The following BRD4 variants were observed in gnomAD, a reference collection of about 807,000 sequenced individuals.
The protein encoded by BRD4 is bromodomain-containing protein 4.
Under a neutral mutation model 142.1 loss-of-function variants are expected in BRD4, and 16 were observed. That is an observed-to-expected ratio of 0.11 (90% CI 0.08 to 0.17). The LOEUF is 0.17. BRD4 is among the 10% of genes least tolerant of loss of function. BRD4 has a pLI of 1.00. For missense variants in BRD4, 1,424 were observed against 1,810.9 expected, an observed-to-expected ratio of 0.79 and a Z score of 3.88; for synonymous variants, 833 against 707.5, an observed-to-expected ratio of 1.18 and a Z score of -2.82.
chr19:15,322,848 T>C (rs1189239059), intron 1 of BRD4, among the ~76,000 whole-genome samples: 9 of 103,096 alleles, frequency 8.7e-5, no homozygotes, highest in African/African-American at 2.0e-4. Context: ...GCCTGGGAGA[T>C]AGAGAGAGAC....
chr19:15,302,397 A>G (rs1440070799), intron 1 of BRD4, among the ~76,000 whole-genome samples: 1 of 152,138 alleles, frequency 6.6e-6, no homozygotes, highest in Non-Finnish European at 1.5e-5. Flanking sequence ...AGATGTTCTC[A>G]GCCTTGTGTT....
chr19:15,329,693 C>A (rs947163557), intron 1 of BRD4, among the ~76,000 whole-genome samples: 1 of 152,098 alleles, frequency 6.6e-6, no homozygotes, highest in Non-Finnish European at 1.5e-5. Flanking sequence ...GAGCCGAGAT[C>A]GCACCACTGC....
intron 11 of BRD4, among the ~76,000 whole-genome samples, chr19:15,246,074 G>A (rs866035113): frequency 2.0e-5 from 3 of 152,186 alleles, no homozygotes; most frequent in Non-Finnish European, 2.9e-5. Flanking sequence ...ACAGACACAC[G>A]TCCTCGTACA....
intron 1 of BRD4, among the ~76,000 whole-genome samples, chr19:15,301,610 C>G (rs1482950799): frequency 6.6e-6 from 1 of 150,724 alleles, no homozygotes; most frequent in Non-Finnish European, 1.5e-5. Context: ...GCCTGTAATC[C>G]CAGCACTTTG....
At chr19:15,268,701 C>T (rs536426329) in intron 3 of BRD4, among the ~76,000 whole-genome samples, 2 of 152,238 alleles carry the variant, frequency 1.3e-5, no homozygotes, top group African/African-American at 4.8e-5. Flanking sequence ...ACATGGCCAG[C>T]ACCCTCCTCC....
intron 1 of BRD4, among the ~76,000 whole-genome samples, chr19:15,296,603 T>C (rs1480512668): frequency 1.3e-5 from 2 of 151,856 alleles, no homozygotes; most frequent in Non-Finnish European, 2.9e-5. Context: ...GCGCGGAGAG[T>C]AAACTATGGC....
intron 2 of BRD4, among the ~76,000 whole-genome samples, chr19:15,270,618 G>A (rs74432556): frequency 0.017 from 2,577 of 152,304 alleles, 79 homozygotes; most frequent in African/African-American, 0.06. Context: ...CAGAGAGAAC[G>A]GTGGGGGAAG....
chr19:15,276,983 C>A (rs1428272400), intron 1 of BRD4, among the ~76,000 whole-genome samples: 1 of 151,896 alleles, frequency 6.6e-6, no homozygotes, highest in East Asian at 1.9e-4. Context: ...AGAGTGTGTG[C>A]GCTTCTGTGG....
intron 2 of BRD4, among the ~76,000 whole-genome samples, chr19:15,270,488 A>G (rs1217358306): frequency 6.6e-6 from 1 of 152,174 alleles, no homozygotes; most frequent in African/African-American, 2.4e-5. Flanking sequence ...ACCAAGTCTG[A>G]ATAGATCTAT....
At position 15,239,704 on chromosome 19, in the gene BRD4, G is replaced by A. The variant is rs1186050912; in HGVS notation, c.3400C>T (p.Pro1134Ser). Residue 1134 changes from proline (P) to serine (S), a missense_variant, in exon 16 of 20, where the codon CCC (proline) becomes TCC (serine). Coordinates refer to ENST00000679869, the MANE Select transcript of BRD4 (RefSeq NM_001379291.1). This position sits in a 1 kb window ranked among gnomAD's most constrained non-coding sequence, Gnocchi z 7.4. The stretch of plus-strand genomic sequence containing the variant: ...GCCTTGATGCTCTCCGGGTGCTTGG[G>A]GGGCTCCGGCCGCAGCGAGGGGCTG... Reference protein sequence around the residue: ...PFSPSLRPEPPKHPESIKAPV... With the variant: ...PFSPSLRPEPSKHPESIKAPV... The A allele has an allele frequency of 1.3e-6, 2 of 1,596,096 alleles. No individual in the cohort carries two copies. The highest frequency in any genetic ancestry group is 2.7e-5 in the African/African-American group (2 of 74,572).
intron 1 of BRD4, among the ~76,000 whole-genome samples, chr19:15,292,777 C>CAAAAAAAAAAAAA (rs57341445): frequency 1.1e-3 from 62 of 57,254 alleles, no homozygotes; most frequent in Non-Finnish European, 1.5e-3. Context: ...GACTCCGTCT[C>CAAAAAAAAAAAAA]AAAAAAAAAA....
Position 15,239,978 on chromosome 19 carries a change from G to C in BRD4, c.3214C>G (p.Gln1072Glu). 1 of 1,613,754 alleles carries C rather than the reference G, an allele frequency of 6.2e-7. No individual in the cohort carries two copies. The highest frequency in any genetic ancestry group is 1.1e-5 in the South Asian group (1 of 91,062). Residue 1072 changes from glutamine (Q) to glutamate (E), a missense_variant, in exon 15 of 20, where the codon CAG becomes GAG. Physicochemically the swap from Gln to Glu is conservative, Grantham distance 29 (BLOSUM62 2). Coordinates refer to ENST00000679869, the MANE Select transcript of BRD4 (RefSeq NM_001379291.1). This position sits in a 1 kb window ranked among gnomAD's most constrained non-coding sequence, Gnocchi z 7.4. ...GTCAGGCTCTGGAACTGTGACATCT[G>C]GGGGGAATGTATCATAAGCGGGGAG... ...APSPLMIHSP[Q>E]MSQFQSLTHQ...
intron 1 of BRD4, among the ~76,000 whole-genome samples, chr19:15,305,024 T>C (rs1302456236): frequency 2.5e-5 from 2 of 80,804 alleles, no homozygotes; most frequent in East Asian, 2.4e-4. Flanking sequence ...TAAGACCATC[T>C]TTTTTTTTTT....
rs982529151 is a variant in BRD4, at chr19:15,291,934, C to T, written c.-34-18801G>A. Among the ~76,000 whole-genome samples, 4 of 152,148 alleles carry T rather than the reference C, an allele frequency of 2.6e-5. No homozygotes were observed. The East Asian group carries it at 7.7e-4, about 29-fold the overall frequency. On this transcript the variant is annotated intron_variant, in intron 1 of 19. Coordinates refer to ENST00000679869, the MANE Select transcript of BRD4 (RefSeq NM_001379291.1). ...AGGTTCAGTCATCCTTGACTCTACC[C>T]TTCAGGCAGGTTATGATGTCAGCAA...
chr19:15,250,235 G>C (rs1021286023), intron 11 of BRD4, among the ~76,000 whole-genome samples: 1 of 152,178 alleles, frequency 6.6e-6, no homozygotes, highest in Non-Finnish European at 1.5e-5. Context: ...GGCTGTTTGT[G>C]GGGGGAGTCA....
intron 12 of BRD4, 42 bp downstream of exon 12, chr19:15,244,668 C>G (rs1476818382): frequency 6.2e-7 from 1 of 1,613,928 alleles, no homozygotes; most frequent in East Asian, 2.2e-5. Context: ...CGGGCCAGAC[C>G]CAACGTCCCA....
intron 1 of BRD4, among the ~76,000 whole-genome samples, chr19:15,322,280 G>C (rs185077256): frequency 2.6e-5 from 4 of 151,950 alleles, no homozygotes; most frequent in African/African-American, 7.2e-5. Flanking sequence ...GTTTTGTTTT[G>C]TTTTCTTCTG....
At chr19:15,284,669 C>T (rs1414583964) in intron 1 of BRD4, among the ~76,000 whole-genome samples, 1 of 152,220 alleles carries the variant, frequency 6.6e-6, no homozygotes, top group African/African-American at 2.4e-5. Flanking sequence ...CACACACATT[C>T]AGTGTCTACT....
chr19:15,242,563 G>A (rs2047246578), intron 14 of BRD4, among the ~76,000 whole-genome samples: 1 of 152,044 alleles, frequency 6.6e-6, no homozygotes, highest in Non-Finnish European at 1.5e-5. Flanking sequence ...CTGCCTCTTG[G>A]AAGCATATCC....
Sources: gnomAD v4.1 joint callset for allele counts (sites outside exome capture counted in the v4.1 genomes callset) on GRCh38, gnomAD v4.1.1 for gene constraint, Gnocchi (gnomAD v3.1) non-coding constraint, MANE v1.5 for transcripts, NCBI Gene and HGNC (gene_info 2026-07-23, HGNC 2026-07-21) for gene names.